Variants in PELI2 observed in about 807,000 individuals in gnomAD.
PELI2 encodes pellino E3 ubiquitin protein ligase family member 2.
A neutral mutation model predicts 42.3 loss-of-function variants in PELI2; 23 were observed. The ratio of observed to expected loss-of-function variants is 0.54; its 90% CI spans 0.39 to 0.77. The LOEUF (loss-of-function observed/expected upper bound fraction) is 0.77, where lower values mean the gene tolerates loss of function less well. PELI2 is among the 30% of genes least tolerant of loss of function. The pLI is 0.00. For synonymous variants in PELI2, 245 were observed against 212.2 expected, an observed-to-expected ratio of 1.15 and a Z score of -1.34; for missense variants, 463 against 553.2, an observed-to-expected ratio of 0.84 and a Z score of 1.64.
At chr14:56,189,892 T>C (rs1885897875) in intron 2 of PELI2, among the ~76,000 whole-genome samples, 1 of 152,248 alleles carries the variant, frequency 6.6e-6, no homozygotes, top group Non-Finnish European at 1.5e-5. Flanking sequence ...TAGTTGAATA[T>C]ACTAACTTTG....
At chr14:56,245,027 A>G (rs1037866786) in intron 2 of PELI2, among the ~76,000 whole-genome samples, 3 of 152,240 alleles carry the variant, frequency 2.0e-5, no homozygotes, top group African/African-American at 4.8e-5. Context: ...ATATGTAACA[A>G]CTGGAGGTAA....
At chr14:56,169,736 G>A (rs1885099138) in intron 1 of PELI2, among the ~76,000 whole-genome samples, 1 of 152,172 alleles carries the variant, frequency 6.6e-6, no homozygotes, top group Non-Finnish European at 1.5e-5. Flanking sequence ...TGTGAGGTGG[G>A]ACAATGGGTG....
chr14:56,242,402 C>G (rs1205115756), intron 2 of PELI2, among the ~76,000 whole-genome samples: 1 of 152,044 alleles, frequency 6.6e-6, no homozygotes, highest in Non-Finnish European at 1.5e-5. Flanking sequence ...TGTGAGGAAG[C>G]TAAAGTCTCA....
intron 2 of PELI2, among the ~76,000 whole-genome samples, chr14:56,209,502 AT>A (rs1566638585): frequency 1.3e-5 from 2 of 151,980 alleles, no homozygotes; most frequent in African/African-American, 4.8e-5. Flanking sequence ...CTTCCAGTAA[AT>A]TGTTTTCATT....
chr14:56,177,762 G>A (rs1462392655), intron 1 of PELI2, among the ~76,000 whole-genome samples: 1 of 152,128 alleles, frequency 6.6e-6, no homozygotes, highest in African/African-American at 2.4e-5. Context: ...TTTAATTTCT[G>A]CAAGCTGTCT....
chr14:56,176,019 AT>A (rs1885366891), intron 1 of PELI2, among the ~76,000 whole-genome samples: 1 of 152,222 alleles, frequency 6.6e-6, no homozygotes, highest in Admixed American at 6.5e-5. Flanking sequence ...ATGGATGACT[AT>A]CTCTCTGTCC....
chr14:56,281,331 C>T (rs971196496), intron 3 of PELI2, among the ~76,000 whole-genome samples: 1 of 151,976 alleles, frequency 6.6e-6, no homozygotes, highest in East Asian at 1.9e-4. Flanking sequence ...TACCATGCAG[C>T]CATTACATGA....
At chr14:56,262,214 A>G (rs1888737326) in intron 2 of PELI2, among the ~76,000 whole-genome samples, 1 of 152,228 alleles carries the variant, frequency 6.6e-6, no homozygotes. Context: ...AGCAAGTATA[A>G]TAACCTAACA....
intron 1 of PELI2, among the ~76,000 whole-genome samples, chr14:56,141,539 C>T (rs1883906807): frequency 6.6e-6 from 1 of 152,184 alleles, no homozygotes; most frequent in Non-Finnish European, 1.5e-5. Flanking sequence ...ATACCTGAGA[C>T]TGTGTAATTT....
intron 1 of PELI2, among the ~76,000 whole-genome samples, chr14:56,172,765 C>G (rs577791674): frequency 6.6e-6 from 1 of 152,214 alleles, no homozygotes; most frequent in South Asian, 2.1e-4. Context: ...GAGGCATTTG[C>G]TTGTTTTTGC....
chr14:56,183,189 T>G (rs993288741), intron 2 of PELI2, among the ~76,000 whole-genome samples: 3 of 152,158 alleles, frequency 2.0e-5, no homozygotes, highest in African/African-American at 7.2e-5. Context: ...GAAGGTTTTC[T>G]TTTTTTAGAT....
intron 2 of PELI2, among the ~76,000 whole-genome samples, chr14:56,210,914 A>G (rs1886690717): frequency 6.6e-6 from 1 of 152,186 alleles, no homozygotes. Flanking sequence ...TTTTCTCTAA[A>G]TAACTAAAAA....
intron 1 of PELI2, among the ~76,000 whole-genome samples, chr14:56,150,007 C>T (rs1009427868): frequency 6.6e-6 from 1 of 152,116 alleles, no homozygotes; most frequent in Admixed American, 6.6e-5. Flanking sequence ...TTTTTCTAGA[C>T]ATCTATGTTA....
chr14:56,232,761 C>CA (rs1887634960), intron 2 of PELI2, among the ~76,000 whole-genome samples: 1 of 124,876 alleles, frequency 8.0e-6, no homozygotes, highest in African/African-American at 2.6e-5. Context: ...CTGGCCAGGG[C>CA]AGTCAGGCAG....
In PELI2 at chr14:56,221,929, T is replaced by G. The variant is rs542415109; in HGVS notation, c.207+43465T>G. 5.8e-4 allele frequency among the ~76,000 whole-genome samples: 89 copies of G among 152,312 alleles called. 2 individuals carry two copies. The highest frequency in any genetic ancestry group is 4.8e-3 in the South Asian group (23 of 4,826). ...TGTGACAGCCACGAGAGGAACTCCATGAAGTTTAGCTTCCTGCCTCTTGCC... is the reference window on the plus strand; with the variant it reads ...TGTGACAGCCACGAGAGGAACTCCAGGAAGTTTAGCTTCCTGCCTCTTGCC... On this transcript the variant is annotated intron_variant, in intron 2 of 5. Coordinates refer to ENST00000267460, the MANE Select transcript of PELI2 (RefSeq NM_021255.3).
In PELI2 at chr14:56,288,457, C is replaced by T; in HGVS notation, c.330C>T (p.Ser110=). Residue 110 remains serine, a synonymous_variant, in exon 4 of 6, where the codon AGC becomes AGT. Coordinates refer to ENST00000267460, the MANE Select transcript of PELI2 (RefSeq NM_021255.3). The surrounding 1 kb of genome is among the most constrained non-coding windows in gnomAD (Gnocchi z 4.6). ...CTTAGGTGGGCAGATCAACAGAAAG[C>T]CCTATCGACTTCGTTGTCACAGACA... is the stretch of plus-strand genomic sequence containing the variant. ...DMFQVGRSTE[S]PIDFVVTDTI... is the part of the protein sequence containing the mutation. The T allele has an allele frequency of 6.2e-7, 1 of 1,613,818 alleles. No individual in the cohort carries two copies. Among genetic ancestry groups the T allele is most frequent in the South Asian group, 1.1e-5 (1 of 91,046 alleles).
In PELI2 at chr14:56,300,512, CT is replaced by C. The variant is rs1890143179; in HGVS notation, c.*3348del. 1 of 151,434 alleles carries C rather than the reference CT, an allele frequency of 6.6e-6. No homozygotes were observed. Among genetic ancestry groups the C allele is most frequent in the Admixed American group, 6.6e-5 (1 of 15,200 alleles). The allele number at this position is 151,434 out of a possible 1,614,324, so 9.4% of individuals were successfully genotyped here. A position where few individuals can be genotyped will look rare whatever the true frequency, so the allele number is the denominator to read the frequency against. On this transcript the variant is annotated 3_prime_UTR_variant, in exon 6 of 6. Coordinates refer to ENST00000267460, the MANE Select transcript of PELI2 (RefSeq NM_021255.3). ...TTGGGAGCTCAGTATTGTGTGGACA[CT>C]TACGAGAGTTTTCTGCTTAATTGAA...
chr14:56,147,772 G>A (rs1308046754), intron 1 of PELI2, among the ~76,000 whole-genome samples: 1 of 152,194 alleles, frequency 6.6e-6, no homozygotes, highest in East Asian at 1.9e-4. Flanking sequence ...AAATATGTAG[G>A]AGGAAGAGAA....
chr14:56,246,086 A>G (rs1245573921), intron 2 of PELI2, among the ~76,000 whole-genome samples: 1 of 152,124 alleles, frequency 6.6e-6, no homozygotes, highest in African/African-American at 2.4e-5. Flanking sequence ...AAGTTACAGG[A>G]GACTTCAGGA....
Sources: gnomAD v4.1 joint callset for allele counts (sites outside exome capture counted in the v4.1 genomes callset) on GRCh38, gnomAD v4.1.1 for gene constraint, Gnocchi (gnomAD v3.1) non-coding constraint, MANE v1.5 for transcripts, NCBI Gene and HGNC (gene_info 2026-07-23, HGNC 2026-07-21) for gene names.